The following RARB variants were observed in gnomAD, a reference collection of about 807,000 sequenced individuals.
RARB encodes the protein HBV-activated protein.
RARB carries 17 observed loss-of-function variants against 51.9 expected under a neutral mutation model. The observed-to-expected ratio is 0.33, with a 90% CI of 0.22 to 0.49. RARB has a LOEUF of 0.49. Among genes scored for constraint, RARB ranks in the 20% least tolerant of loss-of-function variants. The pLI is 0.99. For synonymous variants in RARB, 215 were observed against 195.4 expected (o/e 1.10, Z -0.84); for missense variants, 369 against 550.8 (o/e 0.67, Z 3.30).
chr3:25,094,747 CTG>C lies in RARB; in HGVS notation c.-328+34572_-328+34573del, dbSNP rs1166843778. Reference sequence around the variant, plus strand: ...AAAAAAAAAAAAAAAAAAAAGGAAACTGCAACACAGTAGTTAAATAACTTGCC... The same window carrying C: ...AAAAAAAAAAAAAAAAAAAAGGAAACCAACACAGTAGTTAAATAACTTGCC... On this transcript the variant is annotated intron_variant, in intron 3 of 11. Coordinates refer to the RARB transcript ENST00000383772. 6.2e-3 allele frequency among the ~76,000 whole-genome samples: 592 copies of C among 96,134 alleles called. 2 individuals are homozygous for C. The highest frequency in any genetic ancestry group is 0.021 in the African/African-American group (558 of 26,444). 63.1% of individuals were successfully genotyped at this position (96,134 alleles called of 152,430 possible).
chr3:25,149,516 T>C (rs893532481), intron 4 of RARB, among the ~76,000 whole-genome samples: 7 of 152,240 alleles, frequency 4.6e-5, no homozygotes, highest in African/African-American at 1.7e-4. Context: ...CAAAGCTGCA[T>C]GGGAAAAGAG....
At chr3:24,998,212 A>C (rs950385294) in intron 2 of RARB, among the ~76,000 whole-genome samples, 1 of 151,220 alleles carries the variant, frequency 6.6e-6, no homozygotes, top group South Asian at 2.1e-4. Flanking sequence ...GGGCTAATTT[A>C]GCTAATTCTC....
At chr3:25,595,095 T>C (rs1418616092) in intron 7 of RARB, among the ~76,000 whole-genome samples, 1 of 152,224 alleles carries the variant, frequency 6.6e-6, no homozygotes, top group Non-Finnish European at 1.5e-5. Flanking sequence ...CTTTTGTATA[T>C]AGGCAGATTT....
chr3:25,331,007 G>A (rs991385167), intron 5 of RARB, among the ~76,000 whole-genome samples: 10 of 152,136 alleles, frequency 6.6e-5, no homozygotes, highest in African/African-American at 2.4e-4. Flanking sequence ...CAATACAGGA[G>A]CACCCAGATT....
intron 3 of RARB, among the ~76,000 whole-genome samples, chr3:25,061,002 C>A (rs1419729549): frequency 2.6e-5 from 4 of 151,860 alleles, no homozygotes; most frequent in African/African-American, 7.2e-5. Flanking sequence ...CAAAGACTTA[C>A]ATCATATGGA....
intron 2 of RARB, among the ~76,000 whole-genome samples, chr3:24,872,490 A>G (rs990383543): frequency 1.3e-5 from 2 of 152,188 alleles, no homozygotes; most frequent in African/African-American, 4.8e-5. Context: ...ATACTATGCA[A>G]GAAGCACGGT....
chr3:25,139,624 C>T (rs1387694460), intron 4 of RARB, among the ~76,000 whole-genome samples: 1 of 152,126 alleles, frequency 6.6e-6, no homozygotes, highest in South Asian at 2.1e-4. Flanking sequence ...GGTGAAGCAG[C>T]AAGTGCTGAT....
intron 1 of RARB, among the ~76,000 whole-genome samples, chr3:25,460,524 T>G (rs1442255529): frequency 6.6e-6 from 1 of 152,034 alleles, no homozygotes. Context: ...TTCAGCTCAC[T>G]GCAACCTCTG....
chr3:24,995,740 T>A (rs902045292), intron 2 of RARB, among the ~76,000 whole-genome samples: 1 of 152,152 alleles, frequency 6.6e-6, no homozygotes, highest in African/African-American at 2.4e-5. Context: ...GTTTTTGTAC[T>A]TTATTGATGT....
At chr3:24,993,626 A>G (rs1175083986) in intron 2 of RARB, among the ~76,000 whole-genome samples, 2 of 152,044 alleles carry the variant, frequency 1.3e-5, no homozygotes, top group African/African-American at 4.8e-5. Flanking sequence ...TTTAGCTGTA[A>G]TTTTATATCC....
At chr3:24,927,225 T>C (rs1265156683) in intron 2 of RARB, among the ~76,000 whole-genome samples, 1 of 152,142 alleles carries the variant, frequency 6.6e-6, no homozygotes, top group Non-Finnish European at 1.5e-5. Context: ...TAGAAAAAAG[T>C]AAAACCTGAA....
intron 2 of RARB, among the ~76,000 whole-genome samples, chr3:24,966,606 ATCTCTCTCTCTCTC>A (rs55848511): frequency 4.7e-4 from 66 of 140,340 alleles, no homozygotes; most frequent in South Asian, 2.4e-3. Context: ...GTTTACATTC[ATCTCTCTCTCTCTC>A]TCTCTCTCTC....
chr3:24,927,127 T>C (rs1237907149), intron 2 of RARB, among the ~76,000 whole-genome samples: 1 of 152,134 alleles, frequency 6.6e-6, no homozygotes, highest in East Asian at 1.9e-4. Flanking sequence ...CTTTTGTTTT[T>C]TGCAAAACCA....
At chr3:24,950,985 C>A (rs2125405688) in intron 2 of RARB, among the ~76,000 whole-genome samples, 1 of 152,216 alleles carries the variant, frequency 6.6e-6, no homozygotes, top group South Asian at 2.1e-4. Flanking sequence ...GTCACCAAAC[C>A]CAGTTGCAGG....
chr3:25,112,313 C>T (rs1011895850), intron 3 of RARB, among the ~76,000 whole-genome samples: 3 of 152,178 alleles, frequency 2.0e-5, no homozygotes, highest in Non-Finnish European at 4.4e-5. Flanking sequence ...CACAGTACAG[C>T]AGCGGCAGCA....
intron 3 of RARB, among the ~76,000 whole-genome samples, chr3:25,507,722 G>A (rs1040469764): frequency 6.6e-6 from 1 of 152,208 alleles, no homozygotes; most frequent in East Asian, 1.9e-4. Context: ...AAAGAAGGGG[G>A]TCCAGGGATA....
At chr3:25,269,060 A>G (rs950156321) in intron 5 of RARB, among the ~76,000 whole-genome samples, 2 of 152,190 alleles carry the variant, frequency 1.3e-5, no homozygotes, top group Admixed American at 6.5e-5. Flanking sequence ...TTGAATACCA[A>G]AAGTAATTAT....
chr3:25,074,361 G>T (rs1011941777), intron 3 of RARB, among the ~76,000 whole-genome samples: 1 of 152,158 alleles, frequency 6.6e-6, no homozygotes, highest in East Asian at 1.9e-4. Context: ...AATGATAGGA[G>T]TGTGTTTATT....
intron 2 of RARB, among the ~76,000 whole-genome samples, chr3:25,497,215 A>G (rs1286901936): frequency 1.3e-5 from 2 of 152,118 alleles, no homozygotes; most frequent in Admixed American, 6.6e-5. Context: ...TCTAGCCACA[A>G]TCTCTTGGGA....
Sources: gnomAD v4.1 joint callset for allele counts (sites outside exome capture counted in the v4.1 genomes callset) on GRCh38, gnomAD v4.1.1 for gene constraint, MANE v1.5 for transcripts, NCBI Gene and HGNC (gene_info 2026-07-23, HGNC 2026-07-21) for gene names.